Variants in TRAF3IP2 observed in about 807,000 individuals in gnomAD.
TRAF3IP2 encodes the protein TRAF3 interacting protein 2.
Under a neutral mutation model 57.9 loss-of-function variants are expected in TRAF3IP2, and 35 were observed. That is an observed-to-expected ratio of 0.60 (90% CI 0.46 to 0.80). TRAF3IP2 has a LOEUF of 0.80. Ranked by LOEUF, TRAF3IP2 falls within the 30% of genes least tolerant of loss-of-function variation. The pLI, the probability that TRAF3IP2 is intolerant of heterozygous loss-of-function variation, is 0.00. For missense variants in TRAF3IP2, 556 were observed against 706.4 expected, an observed-to-expected ratio of 0.79 and a Z score of 2.41; for synonymous variants, 251 against 268.9, an observed-to-expected ratio of 0.93 and a Z score of 0.65.
chr6:111,570,519 A>G (rs1795795421), intron 5 of TRAF3IP2, among the ~76,000 whole-genome samples: 1 of 152,186 alleles, frequency 6.6e-6, no homozygotes, highest in Non-Finnish European at 1.5e-5. Context: ...TAGATGTGTC[A>G]ATAATAACTT....
At chr6:111,569,981 T>C (rs1428414052) in intron 5 of TRAF3IP2, among the ~76,000 whole-genome samples, 1 of 152,150 alleles carries the variant, frequency 6.6e-6, no homozygotes, top group African/African-American at 2.4e-5. Flanking sequence ...GTTGAAGCCC[T>C]ATCTCCCTAC....
In TRAF3IP2 at chr6:111,591,214, A is replaced by AGTCACCCAGCCCATTC; in HGVS notation, c.829+43_829+44insGAATGGGCTGGGTGAC. On this transcript the variant is annotated intron_variant, in intron 2 of 8. Coordinates refer to ENST00000368761, the MANE Select transcript of TRAF3IP2 (RefSeq NM_147686.4). This position sits in a 1 kb window ranked among gnomAD's most constrained non-coding sequence, Gnocchi z 4.9. ...ATTGATGTGAGGCCCTTGTTTCTTC[A>AGTCACCCAGCCCATTC]GTCACCCAGCCCAGAATGCCCAGAG... is the stretch of plus-strand genomic sequence containing the variant. 1 of 1,416,270 alleles carries AGTCACCCAGCCCATTC rather than the reference A, an allele frequency of 7.1e-7. No individual in the cohort carries two copies. The highest frequency in any genetic ancestry group is 9.4e-7 in the Non-Finnish European group (1 of 1,068,910). The allele number at this position is 1,416,270 out of a possible 1,614,324, so 87.7% of individuals were successfully genotyped here. A position where few individuals can be genotyped will look rare whatever the true frequency, so the allele number is the denominator to read the frequency against.
intron 2 of TRAF3IP2, among the ~76,000 whole-genome samples, chr6:111,585,365 C>T (rs927593114): frequency 6.0e-5 from 9 of 151,182 alleles, no homozygotes; most frequent in Non-Finnish European, 1.2e-4. Flanking sequence ...TCCAAGGCTT[C>T]ACATTACAAA....
At chr6:111,600,333 C>A (rs895378455) in intron 1 of TRAF3IP2, 1 of 152,158 alleles carries the variant, frequency 6.6e-6, no homozygotes, top group African/African-American at 2.4e-5. Context: ...GAGTCATTTC[C>A]GGCACATTTG....
chr6:111,585,384 T>G (rs1796295748), intron 2 of TRAF3IP2, among the ~76,000 whole-genome samples: 1 of 151,720 alleles, frequency 6.6e-6, no homozygotes, highest in African/African-American at 2.4e-5. Flanking sequence ...AAGACTCTAC[T>G]CATGATTAAG....
At chr6:111,572,839 T>C (rs1193398211) in intron 5 of TRAF3IP2, 56 bp downstream of exon 5, 1 of 1,343,760 alleles carries the variant, frequency 7.4e-7, no homozygotes, top group Admixed American at 1.8e-5. Flanking sequence ...CTGCTGCTTT[T>C]CTCTCCATTG....
chr6:111,597,848 T>C (rs1301201267), intron 1 of TRAF3IP2: 4 of 456,006 alleles, frequency 8.8e-6, no homozygotes, highest in South Asian at 4.6e-5. Flanking sequence ...GCTTTCTCCA[T>C]ATTTACGTGC....
At chr6:111,597,750 A>G in intron 1 of TRAF3IP2, 1 of 438,186 alleles carries the variant, frequency 2.3e-6, no homozygotes, top group Non-Finnish European at 4.6e-6. Flanking sequence ...CTGGGGACAT[A>G]TAACTGGATG....
At chr6:111,579,503 TG>T (rs1007510214) in intron 3 of TRAF3IP2, among the ~76,000 whole-genome samples, 7 of 152,016 alleles carry the variant, frequency 4.6e-5, no homozygotes, top group African/African-American at 1.7e-4. Context: ...AAGGCCAAGG[TG>T]GGTGGATCAC....
chr6:111,591,850 C>G lies in TRAF3IP2; in HGVS notation c.237G>C (p.Gln79His), dbSNP rs150601696. Residue 79 changes from glutamine to histidine, a missense_variant, in exon 2 of 9, where the codon CAG becomes CAC. By Grantham distance (24) the Gln-to-His change is conservative (BLOSUM62 0). This residue lies in a region of TRAF3IP2 where 428 missense variants were observed against 498.7 expected (regional missense o/e 0.86). Transcript: ENST00000368761. The surrounding 1 kb of genome is among the most constrained non-coding windows in gnomAD (Gnocchi z 4.9). ...LANHQRPVSR[Q>H]VTCLRTQVLE... is the part of the protein sequence containing the mutation. ...GAACTTGAGTGCGCAGGCAGGTGAC[C>G]TGCCGGGATACAGGCCGCTGGTGAT... 2.4e-4 allele frequency: 388 copies of G among 1,614,214 alleles called. 2 individuals carry two copies. In the Admixed American group the frequency reaches 3.4e-3, roughly 14 times the overall value.
At chr6:111,562,025 T>A (rs1351714291) in intron 8 of TRAF3IP2, among the ~76,000 whole-genome samples, 1 of 152,152 alleles carries the variant, frequency 6.6e-6, no homozygotes, top group Non-Finnish European at 1.5e-5. Context: ...CTCAGTGCAG[T>A]CTTGACATCT....
At chr6:111,561,038 T>G (rs1025626863) in intron 8 of TRAF3IP2, among the ~76,000 whole-genome samples, 1 of 151,782 alleles carries the variant, frequency 6.6e-6, no homozygotes, top group Non-Finnish European at 1.5e-5. Context: ...AAAAATTAGC[T>G]GGGCGTGGTG....
chr6:111,566,031 CT>C (rs1212552300), intron 7 of TRAF3IP2, among the ~76,000 whole-genome samples: 1 of 152,130 alleles, frequency 6.6e-6, no homozygotes, highest in African/African-American at 2.4e-5. Flanking sequence ...GCAGGTGTCC[CT>C]TTCACTACGC....
At chr6:111,562,797 G>A (rs965799226) in intron 8 of TRAF3IP2, among the ~76,000 whole-genome samples, 168 bp downstream of exon 8, 7 of 150,094 alleles carry the variant, frequency 4.7e-5, no homozygotes, top group African/African-American at 1.7e-4. Flanking sequence ...GTGAGCCAAG[G>A]TCACGCCATT....
intron 1 of TRAF3IP2, among the ~76,000 whole-genome samples, chr6:111,604,140 A>C (rs906071167): frequency 6.6e-6 from 1 of 152,174 alleles, no homozygotes; most frequent in African/African-American, 2.4e-5. Context: ...CAGAAACCAA[A>C]AGTCCTGCAC....
chr6:111,558,084 A>ATAAT lies in TRAF3IP2; in HGVS notation c.*1317_*1320dup, dbSNP rs2128367395. The ATAAT allele has an allele frequency of 6.6e-6, 1 of 152,312 alleles. No homozygotes were observed. Among genetic ancestry groups the ATAAT allele is most frequent in the African/African-American group, 2.4e-5 (1 of 41,578 alleles). 9.4% of individuals were successfully genotyped at this position (152,312 alleles called of 1,614,324 possible). On this transcript the variant is annotated 3_prime_UTR_variant, in exon 9 of 9. Transcript: ENST00000368761. ...AATGTAAATTTGTCCTCTGAGAGAC[A>ATAAT]TAATTATGAAAATGAAAACTCAGTC...
intron 2 of TRAF3IP2, among the ~76,000 whole-genome samples, chr6:111,588,569 T>C (rs1583236985): frequency 6.6e-6 from 1 of 152,226 alleles, no homozygotes; most frequent in East Asian, 1.9e-4. Context: ...ATTATAACAT[T>C]GAGTCAGTGC....
chr6:111,580,071 C>T, intron 3 of TRAF3IP2, 126 bp downstream of exon 3: 1 of 1,103,120 alleles, frequency 9.1e-7, no homozygotes, highest in Middle Eastern at 2.6e-4. Context: ...ATTGGGCATT[C>T]CACTATGTGA....
intron 8 of TRAF3IP2, 112 bp downstream of exon 8, chr6:111,562,853 A>AG: frequency 1.1e-6 from 1 of 890,314 alleles, no homozygotes. Flanking sequence ...TCAAAAAAAA[A>AG]AAAAAAGAAA....
Sources: allele counts gnomAD v4.1 joint callset (sites outside exome capture counted in the v4.1 genomes callset), GRCh38; gene constraint gnomAD v4.1.1; regional missense constraint gnomAD v4.1.1; non-coding constraint Gnocchi (gnomAD v3.1); transcripts MANE v1.5; gene names NCBI Gene and HGNC (gene_info 2026-07-23, HGNC 2026-07-21).